The following XKR6 variants were observed in gnomAD, a reference collection of about 807,000 sequenced individuals.
XKR6 encodes XK related 6, also known as XK-related protein 6.
Under a neutral mutation model 56.7 loss-of-function variants are expected in XKR6, and 22 were observed. That is an observed-to-expected ratio of 0.39 (90% CI 0.28 to 0.55). The LOEUF is 0.55. Ranked by LOEUF, XKR6 falls within the 20% of genes least tolerant of loss-of-function variation. XKR6 has a pLI of 0.66. For missense variants in XKR6, 852 were observed against 889.0 expected (o/e 0.96, Z 0.53); for synonymous variants, 524 against 387.8 (o/e 1.35, Z -4.13).
At chr8:11,085,940 C>A (rs1797872346) in intron 1 of XKR6, among the ~76,000 whole-genome samples, 1 of 152,048 alleles carries the variant, frequency 6.6e-6, no homozygotes, top group South Asian at 2.1e-4. Context: ...GCATTTCCAC[C>A]AACTTCCCAG....
chr8:11,090,846 T>C (rs1218272598), intron 1 of XKR6, among the ~76,000 whole-genome samples: 2 of 152,204 alleles, frequency 1.3e-5, no homozygotes, highest in African/African-American at 2.4e-5. Context: ...TTTAAGATTG[T>C]TTTTGGTGTT....
chr8:10,912,758 G>A (rs1365011159), intron 2 of XKR6, among the ~76,000 whole-genome samples: 5 of 144,254 alleles, frequency 3.5e-5, no homozygotes, highest in South Asian at 2.2e-4. Flanking sequence ...AGAGAGAGAC[G>A]GTGAGTATAT....
At chr8:11,064,368 C>T (rs1203975211) in intron 1 of XKR6, among the ~76,000 whole-genome samples, 2 of 152,206 alleles carry the variant, frequency 1.3e-5, no homozygotes, top group Non-Finnish European at 2.9e-5. Flanking sequence ...GCTGTTTCAT[C>T]CTGACTCTTC....
chr8:10,927,271 G>T (rs1182515196), intron 1 of XKR6, among the ~76,000 whole-genome samples: 1 of 152,166 alleles, frequency 6.6e-6, no homozygotes, highest in Non-Finnish European at 1.5e-5. Context: ...TGCGTGCCCA[G>T]ATCTTTGGCA....
intron 1 of XKR6, among the ~76,000 whole-genome samples, chr8:10,949,807 G>T (rs990552904): frequency 2.0e-5 from 3 of 152,124 alleles, no homozygotes; most frequent in South Asian, 4.1e-4. Context: ...GGTGGGGGAG[G>T]GTACGAGGAA....
In XKR6 at chr8:10,898,689, T is replaced by A; in HGVS notation, c.1189A>T (p.Met397Leu). ...GIFVVVHWCA[M>L]AFWIIHGGTD... ...CCGCCATGGATGATCCAGAAGGCCA[T>A]GGCGCACCAGTGAACCACCACGAAG... is the stretch of plus-strand genomic sequence containing the variant. Residue 397 changes from methionine (M) to leucine (L), a missense_variant, in exon 3 of 3, where the codon ATG becomes TTG. Transcript: ENST00000416569. The surrounding 1 kb of genome is among the most constrained non-coding windows in gnomAD (Gnocchi z 6.6). 1 of 1,614,092 alleles carries A rather than the reference T, an allele frequency of 6.2e-7. No homozygotes were observed. The highest frequency in any genetic ancestry group is 8.5e-7 in the Non-Finnish European group (1 of 1,180,020).
intron 2 of XKR6, among the ~76,000 whole-genome samples, chr8:10,923,771 C>A (rs1381907726): frequency 6.6e-6 from 1 of 152,200 alleles, no homozygotes; most frequent in Admixed American, 6.5e-5. Flanking sequence ...ATACAAGAGA[C>A]CAGGAGGTAC....
At chr8:11,041,570 A>G (rs1180930379) in intron 1 of XKR6, among the ~76,000 whole-genome samples, 4 of 144,952 alleles carry the variant, frequency 2.8e-5, no homozygotes, top group East Asian at 3.9e-4. Flanking sequence ...AAAAAAAAAA[A>G]TCAACTTAGG....
chr8:11,122,557 G>A (rs1485640001), intron 1 of XKR6, among the ~76,000 whole-genome samples: 1 of 152,192 alleles, frequency 6.6e-6, no homozygotes, highest in African/African-American at 2.4e-5. Flanking sequence ...GCAGGTATAA[G>A]ATTTTGACAT....
At chr8:11,023,736 C>G (rs1019150699) in intron 1 of XKR6, among the ~76,000 whole-genome samples, 8 of 152,304 alleles carry the variant, frequency 5.3e-5, no homozygotes, top group African/African-American at 1.9e-4. Flanking sequence ...AGAGTCTTTC[C>G]CCTGGCTCCA....
chr8:11,189,901 A>C (rs1432990731), intron 1 of XKR6, among the ~76,000 whole-genome samples: 2 of 152,234 alleles, frequency 1.3e-5, no homozygotes, highest in African/African-American at 4.8e-5. Context: ...TCACGCCTGT[A>C]ATCCCAGCAC....
chr8:11,057,542 C>T (rs1364093747), intron 1 of XKR6, among the ~76,000 whole-genome samples: 1 of 152,206 alleles, frequency 6.6e-6, no homozygotes, highest in Non-Finnish European at 1.5e-5. Context: ...AAGTGTTTTG[C>T]CCTCATTTCA....
intron 1 of XKR6, among the ~76,000 whole-genome samples, chr8:10,998,200 G>C (rs144430104): frequency 6.2e-4 from 94 of 152,146 alleles, no homozygotes; most frequent in African/African-American, 2.2e-3. Context: ...GAGACAGCTA[G>C]CCTTGCACAA....
chr8:11,028,051 C>G (rs1798909430), intron 1 of XKR6, among the ~76,000 whole-genome samples: 1 of 151,902 alleles, frequency 6.6e-6, no homozygotes, highest in African/African-American at 2.4e-5. Flanking sequence ...ATGATCTGTA[C>G]CCACCATTAC....
intron 2 of XKR6, among the ~76,000 whole-genome samples, chr8:10,901,929 A>C (rs1586283305): frequency 6.6e-6 from 1 of 152,170 alleles, no homozygotes; most frequent in Non-Finnish European, 1.5e-5. Flanking sequence ...TGGGAATTCA[A>C]ATGCTCATCA....
chr8:11,085,967 C>A (rs1797873017), intron 1 of XKR6, among the ~76,000 whole-genome samples: 1 of 152,016 alleles, frequency 6.6e-6, no homozygotes, highest in Non-Finnish European at 1.5e-5. Flanking sequence ...GCTGTGCTCA[C>A]TAGAATTTGA....
At chr8:10,945,457 C>T (rs955004101) in intron 1 of XKR6, among the ~76,000 whole-genome samples, 40 of 152,150 alleles carry the variant, frequency 2.6e-4, no homozygotes, top group African/African-American at 9.7e-4. Flanking sequence ...GCACTCCAGC[C>T]TGGACAACAC....
chr8:11,054,041 G>A (rs1215953753), intron 1 of XKR6, among the ~76,000 whole-genome samples: 7 of 152,202 alleles, frequency 4.6e-5, no homozygotes. Context: ...AACATTATGT[G>A]ATAACACTGT....
chr8:11,141,095 T>C (rs1412847068), intron 1 of XKR6, among the ~76,000 whole-genome samples: 1 of 152,102 alleles, frequency 6.6e-6, no homozygotes, highest in East Asian at 1.9e-4. Context: ...GTCGACATGG[T>C]ACAACAATTA....
Sources: allele counts gnomAD v4.1 joint callset (sites outside exome capture counted in the v4.1 genomes callset), GRCh38; gene constraint gnomAD v4.1.1; non-coding constraint Gnocchi (gnomAD v3.1); transcripts MANE v1.5; gene names NCBI Gene and HGNC (gene_info 2026-07-23, HGNC 2026-07-21).